LARGE1: variants seen among roughly 807,000 people sequenced by gnomAD.
The protein encoded by LARGE1 is xylosyl- and glucuronyltransferase LARGE1.
Under a neutral mutation model 87.6 loss-of-function variants are expected in LARGE1, and 43 were observed. The observed-to-expected ratio is 0.49, with a 90% CI of 0.38 to 0.63. LARGE1 has a LOEUF of 0.63. Among genes scored for constraint, LARGE1 ranks in the 30% least tolerant of loss-of-function variants. The pLI is 0.00. For missense variants in LARGE1, 802 were observed against 1,000.2 expected, an observed-to-expected ratio of 0.80 and a Z score of 2.67; for synonymous variants, 434 against 394.6, an observed-to-expected ratio of 1.10 and a Z score of -1.18.
intron 6 of LARGE1, among the ~76,000 whole-genome samples, chr22:33,521,578 G>A (rs1204477815): frequency 2.6e-5 from 4 of 152,320 alleles, no homozygotes; most frequent in South Asian, 4.1e-4. Flanking sequence ...GACAAGACCG[G>A]CCCAGATTCA....
At chr22:33,767,264 A>G (rs2084937074) in intron 1 of LARGE1, among the ~76,000 whole-genome samples, 1 of 151,336 alleles carries the variant, frequency 6.6e-6, no homozygotes, top group African/African-American at 2.4e-5. Context: ...GGAGGTTACA[A>G]TCAGCTGAGA....
At chr22:33,695,736 C>T (rs530962617) in intron 2 of LARGE1, among the ~76,000 whole-genome samples, 2 of 152,018 alleles carry the variant, frequency 1.3e-5, no homozygotes, top group Admixed American at 6.6e-5. Flanking sequence ...GTTTTTTCCC[C>T]GCCTTCATGG....
chr22:33,651,225 C>CAAAAAAGAAAAAAAAAAAAAAAAA (rs2080796194), intron 2 of LARGE1, among the ~76,000 whole-genome samples: 1 of 56,574 alleles, frequency 1.8e-5, no homozygotes, highest in Non-Finnish European at 3.6e-5. Flanking sequence ...ACTAAAAATA[C>CAAAAAAGAAAAAAAAAAAAAAAAA]AAAAAAAAAA....
intron 2 of LARGE1, among the ~76,000 whole-genome samples, chr22:33,689,268 G>A (rs1046855013): frequency 3.3e-5 from 5 of 151,900 alleles, no homozygotes; most frequent in East Asian, 1.9e-4. Flanking sequence ...CCTGACTCTG[G>A]TGAGGTTAAA....
chr22:33,699,313 G>T (rs987380963), intron 2 of LARGE1, among the ~76,000 whole-genome samples: 1 of 152,182 alleles, frequency 6.6e-6, no homozygotes, highest in African/African-American at 2.4e-5. Context: ...GGTGTCACAG[G>T]CTTCAGTGAA....
At chr22:33,378,219 T>A (rs1166661846) in intron 9 of LARGE1, among the ~76,000 whole-genome samples, 1 of 152,102 alleles carries the variant, frequency 6.6e-6, no homozygotes, top group African/African-American at 2.4e-5. Flanking sequence ...AAATTTTTAA[T>A]TTTTTTTCTT....
chr22:33,667,999 G>T (rs1272710568), intron 2 of LARGE1, among the ~76,000 whole-genome samples: 2 of 151,884 alleles, frequency 1.3e-5, no homozygotes, highest in Admixed American at 6.6e-5. Flanking sequence ...TATCTTTTCC[G>T]CCATTTTTCA....
At chr22:33,447,735 G>A (rs1256839074) in intron 6 of LARGE1, among the ~76,000 whole-genome samples, 1 of 152,206 alleles carries the variant, frequency 6.6e-6, no homozygotes, top group Non-Finnish European at 1.5e-5. Flanking sequence ...TCGGGAGCAG[G>A]TGGGCTGCAC....
At chr22:33,918,858 C>A (rs1445571258) in intron 1 of LARGE1, among the ~76,000 whole-genome samples, 1 of 152,146 alleles carries the variant, frequency 6.6e-6, no homozygotes, top group East Asian at 1.9e-4. Flanking sequence ...CGGACGCCCC[C>A]ACCTGCCACC....
chr22:33,825,259 C>T (rs773886335), intron 1 of LARGE1, among the ~76,000 whole-genome samples: 7 of 152,258 alleles, frequency 4.6e-5, no homozygotes, highest in East Asian at 3.9e-4. Flanking sequence ...TTTCAGAATA[C>T]GGATATTTAT....
intron 6 of LARGE1, among the ~76,000 whole-genome samples, chr22:33,433,740 T>C (rs2067166951): frequency 6.6e-6 from 1 of 152,118 alleles, no homozygotes; most frequent in South Asian, 2.1e-4. Context: ...ACTCTTGTAC[T>C]GTTGGCCAAT....
intron 2 of LARGE1, among the ~76,000 whole-genome samples, chr22:33,669,625 C>G (rs1321681256): frequency 6.6e-6 from 1 of 152,174 alleles, no homozygotes; most frequent in African/African-American, 2.4e-5. Context: ...CTGGGGAGAC[C>G]TTTCCCACCT....
At chr22:33,443,493 G>A (rs1257297360) in intron 6 of LARGE1, among the ~76,000 whole-genome samples, 1 of 152,158 alleles carries the variant, frequency 6.6e-6, no homozygotes, top group Non-Finnish European at 1.5e-5. Context: ...GGTGCCCACT[G>A]GGATGCTCTG....
intron 7 of LARGE1, among the ~76,000 whole-genome samples, chr22:33,415,762 G>C (rs1253933468): frequency 1.3e-5 from 2 of 152,180 alleles, no homozygotes; most frequent in African/African-American, 4.8e-5. Context: ...CCACAGCCCT[G>C]AGAGATGAAC....
the LARGE1 span, among the ~76,000 whole-genome samples, chr22:33,092,188 G>A: frequency 8.4e-4 from 128 of 151,988 alleles, no homozygotes; most frequent in African/African-American, 2.8e-3. Flanking sequence ...GTGAGCCACC[G>A]TGCATGGCCC....
At chr22:33,126,547 G>C in the LARGE1 span, among the ~76,000 whole-genome samples, 1 of 152,282 alleles carries the variant, frequency 6.6e-6, no homozygotes, top group Admixed American at 6.5e-5. Context: ...AAAAGGTCTA[G>C]GTGGTATATT....
At chr22:33,853,808 G>A (rs141973242) in intron 1 of LARGE1, among the ~76,000 whole-genome samples, 8 of 152,342 alleles carry the variant, frequency 5.3e-5, no homozygotes, top group African/African-American at 1.9e-4. Context: ...CTTGGGGCAG[G>A]CACTAAATAT....
intron 5 of LARGE1, among the ~76,000 whole-genome samples, chr22:33,578,416 C>T (rs757969027): frequency 6.6e-6 from 1 of 152,006 alleles, no homozygotes; most frequent in Non-Finnish European, 1.5e-5. Flanking sequence ...ATTGTGTGTG[C>T]CAAATTCTGT....
At chr22:33,464,294 G>C (rs1431875350) in intron 6 of LARGE1, among the ~76,000 whole-genome samples, 1 of 152,116 alleles carries the variant, frequency 6.6e-6, no homozygotes, top group Admixed American at 6.6e-5. Flanking sequence ...AATACAATAA[G>C]AAGAGTATTT....
Sources: allele counts gnomAD v4.1 joint callset (sites outside exome capture counted in the v4.1 genomes callset), GRCh38; gene constraint gnomAD v4.1.1; transcripts MANE v1.5; gene names NCBI Gene and HGNC (gene_info 2026-07-23, HGNC 2026-07-21).